Variants in UBR4 observed in about 807,000 individuals in gnomAD.
UBR4 encodes ubiquitin protein ligase E3 component n-recognin 4.
UBR4 carries 124 observed loss-of-function variants against 575.6 expected under a neutral mutation model. That is an observed-to-expected ratio of 0.22 (90% confidence interval 0.19 to 0.25). UBR4 has a LOEUF of 0.25. Among genes scored for constraint, UBR4 ranks in the 10% least tolerant of loss-of-function variants. The pLI, the probability that UBR4 is intolerant of heterozygous loss-of-function variation, is 1.00. For synonymous variants in UBR4, 2,455 were observed against 2,473.7 expected (o/e 0.99, Z 0.22); for missense variants, 4,818 against 6,478.8 (o/e 0.74, Z 8.80).
intron 103 of UBR4, 40 bp downstream of exon 103, chr1:19,081,309 G>A (rs374141131): frequency 6.6e-7 from 1 of 1,515,742 alleles, no homozygotes; most frequent in Admixed American, 2.2e-5. Flanking sequence ...AACTGATGAT[G>A]GGAAATAGTG....
chr1:19,177,161 G>A (rs1235530545), intron 19 of UBR4, among the ~76,000 whole-genome samples: 1 of 152,116 alleles, frequency 6.6e-6, no homozygotes, highest in East Asian at 1.9e-4. Flanking sequence ...ACTCATCAAG[G>A]GCCGATGCTC....
chr1:19,160,039 A>G, intron 39 of UBR4, 72 bp downstream of exon 39: 1 of 1,565,374 alleles, frequency 6.4e-7, no homozygotes, highest in Non-Finnish European at 8.7e-7. Context: ...CAGAGCATCT[A>G]GCACATTTTG....
rs1472714638 is a variant in UBR4 at position 19,157,263 on chromosome 1, A to G, written c.5761-338T>C. On this transcript the variant is annotated intron_variant, in intron 40 of 105. Transcript: ENST00000375254. The surrounding 1 kb of genome is among the most constrained non-coding windows in gnomAD (Gnocchi z 4.4). ...TTTAGAGTTGTTTGAAGGACTATCC[A>G]TATTTTCACTTAAAATAAAAGTTAA... Among the ~76,000 whole-genome samples, 12 of 152,372 alleles carry G rather than the reference A, an allele frequency of 7.9e-5. No individual in the cohort carries two copies. The highest frequency in any genetic ancestry group is 1.3e-4 in the Non-Finnish European group (9 of 68,036).
Position 19,110,390 on chromosome 1 carries a change from C to G in UBR4, c.11967G>C (p.Arg3989=). The change falls in exon 80 of 106, where the codon CGG becomes CGC. Residue 3989 remains arginine, a synonymous_variant. Transcript: ENST00000375254. The surrounding 1 kb of genome is among the most constrained non-coding windows in gnomAD (Gnocchi z 4.5). ...AATCCCCTAACTCACCACAGCGTAA[C>G]CGGAGCTCCCAGCAGCTGTCCTCCT... ...ISKEDSCWEL[R]LRCALSLFLM... 3 of 1,614,192 alleles carry G rather than the reference C, an allele frequency of 1.9e-6. No homozygotes were observed. The highest frequency in any genetic ancestry group is 2.5e-6 in the Non-Finnish European group (3 of 1,180,020).
rs867647413 is a variant in UBR4 at position 19,157,858 on chromosome 1, T to C, written c.5717A>G (p.His1906Arg). 3.7e-6 allele frequency: 6 copies of C among 1,614,210 alleles called. No homozygotes were observed. Among genetic ancestry groups the C allele is most frequent in the East Asian group, 2.2e-5 (1 of 44,882 alleles). ...RVAMCVLSSP[H>R]GRRQHLAVSH... ...GACAGCCAAATGTTGGCGGCGCCCA[T>C]GGGGAGAGGAGAGCACACACATAGC... Residue 1906 changes from histidine (H) to arginine (R), a missense_variant, in exon 40 of 106, where the codon CAT (histidine) becomes CGT (arginine). His to Arg is a conservative substitution (Grantham distance 29). This residue lies in a region of UBR4 where 461 missense variants were observed against 606.9 expected (regional missense o/e 0.76). Transcript: ENST00000375254. The surrounding 1 kb of genome is among the most constrained non-coding windows in gnomAD (Gnocchi z 4.4).
intron 104 of UBR4, chr1:19,077,661 A>G: frequency 1.1e-6 from 1 of 878,286 alleles, no homozygotes; most frequent in Non-Finnish European, 1.6e-6. Flanking sequence ...TGAACCCGGG[A>G]TGCAGAGGTT....
intron 39 of UBR4, among the ~76,000 whole-genome samples, chr1:19,159,376 T>C (rs1017919882): frequency 6.6e-6 from 1 of 152,190 alleles, no homozygotes; most frequent in Non-Finnish European, 1.5e-5. Context: ...AGGAAAGTTA[T>C]CTAAAGGACT....
intron 61 of UBR4, among the ~76,000 whole-genome samples, 185 bp downstream of exon 61, chr1:19,128,793 C>A (rs1348514487): frequency 6.6e-6 from 1 of 152,198 alleles, no homozygotes; most frequent in East Asian, 1.9e-4. Flanking sequence ...TTAAAAAATT[C>A]TCTGACCCTT....
intron 34 of UBR4, among the ~76,000 whole-genome samples, chr1:19,163,169 A>C (rs2087680248): frequency 6.6e-6 from 1 of 152,220 alleles, no homozygotes; most frequent in Admixed American, 6.5e-5. Context: ...GCACTCTGAC[A>C]TGTCAGTGCT....
At chr1:19,154,401 A>C (rs1481986371) in intron 44 of UBR4, among the ~76,000 whole-genome samples, 1 of 152,224 alleles carries the variant, frequency 6.6e-6, no homozygotes, top group Non-Finnish European at 1.5e-5. Context: ...AAGGGAAGAC[A>C]CCATAAGCCT....
chr1:19,176,660 C>T lies in UBR4; in HGVS notation c.2705G>A (p.Arg902Gln), dbSNP rs201852494. The change falls in exon 20 of 106, where the codon CGG (arginine) becomes CAG (glutamine). Residue 902 changes from arginine to glutamine, a missense_variant. Transcript: ENST00000375254. ...ASGSQDSNSR[R>Q]ATTPLYHGFK... ...TCCATGATAGAGAGGAGTGGTTGCC[C>T]GGCGGCTGTTGCTGTCCTGGGATCC... 4.0e-5 allele frequency: 64 copies of T among 1,613,880 alleles called. No homozygotes were observed. Among genetic ancestry groups the T allele is most frequent in the Admixed American group, 1.2e-4 (7 of 59,996 alleles).
At chr1:19,203,204 A>G (rs1391076651) in intron 1 of UBR4, among the ~76,000 whole-genome samples, 1 of 152,138 alleles carries the variant, frequency 6.6e-6, no homozygotes, top group Non-Finnish European at 1.5e-5. Context: ...AGAAGTATCA[A>G]CCTATGGTGG....
intron 97 of UBR4, 183 bp downstream of exon 97, chr1:19,092,636 G>A: frequency 1.9e-6 from 1 of 521,002 alleles, no homozygotes; most frequent in East Asian, 3.1e-5. Flanking sequence ...TTAAGAATGA[G>A]TTGAATGAGG....
chr1:19,079,895 G>A lies in UBR4; in HGVS notation c.15233+1454C>T, dbSNP rs539100099. 2.3e-3 allele frequency: 355 copies of A among 152,334 alleles called. 2 individuals carry two copies. Among genetic ancestry groups the A allele is most frequent in the African/African-American group, 8.3e-3 (344 of 41,576 alleles). 9.4% of individuals were successfully genotyped at this position (152,334 alleles called of 1,614,324 possible). On this transcript the variant is annotated intron_variant, in intron 103 of 105. Coordinates refer to ENST00000375254, the MANE Select transcript of UBR4 (RefSeq NM_020765.3). ...TTTAAGGCCAATTAGTAAAGGTGACGAAACTGCTACAGAGAAAACAGCAAC... is the reference window on the plus strand; with the variant it reads ...TTTAAGGCCAATTAGTAAAGGTGACAAAACTGCTACAGAGAAAACAGCAAC...
chr1:19,192,114 A>G (rs1478904379), intron 11 of UBR4, 74 bp downstream of exon 11: 2 of 1,525,324 alleles, frequency 1.3e-6, no homozygotes, highest in Non-Finnish European at 1.8e-6. Flanking sequence ...ATATGAAGTC[A>G]TACTAGCTCC....
In UBR4 at chr1:19,161,797, T is replaced by A. The variant is rs186219368; in HGVS notation, c.5027+30A>T. ...GTCCCAACAATCGGTGCCCAGCAAA[T>A]CTTCACCTTAAAGGAAGAACTACCC... On this transcript the variant is annotated intron_variant, in intron 36 of 105. Coordinates refer to ENST00000375254, the MANE Select transcript of UBR4 (RefSeq NM_020765.3). The A allele has an allele frequency of 2.8e-4, 456 of 1,614,138 alleles. 6 individuals carry two copies. The East Asian group carries it at 0.01, about 36-fold the overall frequency.
Position 19,081,361 on chromosome 1 carries a change from C to A in UBR4, c.15221G>T (p.Gly5074Val). ...AGCAGGTACTGACCTGGTGGCTCCACCTGGAGCCACTGCCCGAGCCTGCGA... is the reference window on the plus strand; with the variant it reads ...AGCAGGTACTGACCTGGTGGCTCCAACTGGAGCCACTGCCCGAGCCTGCGA... Reference protein sequence around the residue: ...VTSQARAVAPGGATRLTDKAV... With the variant: ...VTSQARAVAPVGATRLTDKAV... The change falls in exon 103 of 106, where the codon GGT becomes GTT. Residue 5074 changes from glycine (G) to valine (V), a missense_variant. Gly to Val is a moderately radical substitution (Grantham distance 109). Transcript: ENST00000375254. 6.2e-7 allele frequency: 1 copy of A among 1,601,718 alleles called. No individual in the cohort carries two copies. The highest frequency in any genetic ancestry group is 1.1e-5 in the South Asian group (1 of 89,976).
chr1:19,106,706 C>A lies in UBR4; in HGVS notation c.12256G>T (p.Ala4086Ser). 1 of 1,601,546 alleles carries A rather than the reference C, an allele frequency of 6.2e-7. No individual in the cohort carries two copies. The highest frequency in any genetic ancestry group is 1.1e-5 in the South Asian group (1 of 88,944). Reference sequence around the variant, plus strand: ...TGGCGGAGCTCTGATTTGCTGGGGGCTTTCCCATTGCCATCTATCCCTGCA... The same window carrying A: ...TGGCGGAGCTCTGATTTGCTGGGGGATTTCCCATTGCCATCTATCCCTGCA... ...PIRGIDGNGK[A>S]PSKSELRHLY... is the part of the protein sequence containing the mutation. The change falls in exon 83 of 106, where the codon GCC becomes TCC. Residue 4086 changes from alanine (A) to serine (S), a missense_variant. Ala to Ser is a moderately conservative substitution (Grantham distance 99, BLOSUM62 1). This residue lies in a region of UBR4 where 178 missense variants were observed against 175.5 expected (regional missense o/e 1.01). Coordinates refer to ENST00000375254, the MANE Select transcript of UBR4 (RefSeq NM_020765.3).
At chr1:19,179,774 C>T (rs2090681765) in intron 17 of UBR4, among the ~76,000 whole-genome samples, 1 of 152,138 alleles carries the variant, frequency 6.6e-6, no homozygotes. Context: ...ATTTTCAGCC[C>T]AGTAACTAAG....
Sources: allele counts gnomAD v4.1 joint callset (sites outside exome capture counted in the v4.1 genomes callset), GRCh38; gene constraint gnomAD v4.1.1; regional missense constraint gnomAD v4.1.1; non-coding constraint Gnocchi (gnomAD v3.1); transcripts MANE v1.5; gene names NCBI Gene and HGNC (gene_info 2026-07-23, HGNC 2026-07-21).